ADAM20: variants seen among roughly 807,000 people sequenced by gnomAD.
ADAM20 encodes ADAM metallopeptidase domain 20.
For missense variants in ADAM20, 871 were observed against 883.2 expected, an observed-to-expected ratio of 0.99 and a Z score of 0.18; for synonymous variants, 305 against 310.2, an observed-to-expected ratio of 0.98 and a Z score of 0.18.
the ADAM20 span, among the ~76,000 whole-genome samples, chr14:70,570,837 G>C: frequency 1.3e-5 from 2 of 151,968 alleles, no homozygotes; most frequent in Non-Finnish European, 2.9e-5. Context: ...TATACTTTCT[G>C]AACATAGATG....
chr14:70,536,395 G>A (rs1883832212), upstream of ADAM20, among the ~76,000 whole-genome samples: 1 of 143,288 alleles, frequency 7.0e-6, no homozygotes, highest in Non-Finnish European at 1.5e-5. Context: ...GAATCCAGGA[G>A]GCAGAGGTTG....
chr14:70,576,668 A>G, the ADAM20 span, among the ~76,000 whole-genome samples: 6 of 152,186 alleles, frequency 3.9e-5, no homozygotes, highest in African/African-American at 1.4e-4. Flanking sequence ...GCATGGAGTA[A>G]TTCACAGAGA....
upstream of ADAM20, among the ~76,000 whole-genome samples, chr14:70,538,498 T>C (rs1883881563): frequency 6.6e-6 from 1 of 152,212 alleles, no homozygotes; most frequent in African/African-American, 2.4e-5. Context: ...CAAAAGGCCT[T>C]TATGTTTTTC....
intron 1 of ADAM20, among the ~76,000 whole-genome samples, chr14:70,531,260 A>G (rs1393136362): frequency 6.6e-6 from 1 of 152,196 alleles, no homozygotes; most frequent in African/African-American, 2.4e-5. Flanking sequence ...GATAAAAATT[A>G]CATGATCATC....
chr14:70,565,134 T>C, the ADAM20 span, among the ~76,000 whole-genome samples: 2 of 151,204 alleles, frequency 1.3e-5, no homozygotes, highest in Non-Finnish European at 2.9e-5. Flanking sequence ...TAACTGGATT[T>C]AAAAAATCGC....
Position 70,524,326 on chromosome 14 carries a change from T to A in ADAM20, c.432A>T (p.Glu144Asp), listed in dbSNP as rs1280007356. The change falls in exon 2 of 2, where the codon GAA becomes GAT. Residue 144 changes from glutamate to aspartate, a missense_variant. Glu to Asp is a conservative substitution (Grantham distance 45). Transcript: ENST00000256389. ...GMLQINDLVY[E>D]IKPISVSATF... ...TGGCAGAAACACTAATTGGCTTGAT[T>A]TCATAAACAAGGTCATTTATCTGTA... 2.5e-6 allele frequency: 4 copies of A among 1,614,046 alleles called. No individual in the cohort carries two copies. The South Asian group carries it at 4.4e-5, about 18-fold the overall frequency.
At chr14:70,555,154 C>T in the ADAM20 span, among the ~76,000 whole-genome samples, 1 of 152,112 alleles carries the variant, frequency 6.6e-6, no homozygotes, top group South Asian at 2.1e-4. Flanking sequence ...GTTTCAGTAA[C>T]GAAAGTGAAT....
intron 1 of ADAM20, among the ~76,000 whole-genome samples, chr14:70,531,891 G>A (rs1179229466): frequency 6.6e-6 from 1 of 152,000 alleles, no homozygotes; most frequent in African/African-American, 2.4e-5. Context: ...TCATAGACTA[G>A]AAGACTTAAT....
At chr14:70,570,119 C>T in the ADAM20 span, among the ~76,000 whole-genome samples, 2 of 150,806 alleles carry the variant, frequency 1.3e-5, no homozygotes, top group Admixed American at 1.3e-4. Context: ...GGACAATACA[C>T]CCACACCTCT....
chr14:70,542,527 GAGGA>G, the ADAM20 span, among the ~76,000 whole-genome samples: 1 of 152,192 alleles, frequency 6.6e-6, no homozygotes, highest in Non-Finnish European at 1.5e-5. Context: ...GGAACCTCAA[GAGGA>G]GATGAATTCA....
the ADAM20 span, among the ~76,000 whole-genome samples, chr14:70,569,723 G>C: frequency 3.3e-5 from 5 of 151,610 alleles, no homozygotes; most frequent in Admixed American, 2.0e-4. Flanking sequence ...ATTCAATCAA[G>C]AAGACTTAAC....
rs7154904 is a variant in ADAM20 at position 70,532,378 on chromosome 14, C to G, written c.-177+2419G>C. Among the ~76,000 whole-genome samples the G allele has an allele frequency of 1.1e-3, 160 of 151,592 alleles. No homozygotes were observed. The East Asian group carries it at 0.022, about 21-fold the overall frequency. On this transcript the variant is annotated intron_variant, in intron 1 of 1. Transcript: ENST00000256389. The stretch of plus-strand genomic sequence containing the variant: ...CTGAGACTATAAAACTTTAAAAAAA[C>G]ACACACGAGAAAATCTTCACAGCAT...
rs780204552 is a variant in ADAM20, at chr14:70,522,590, T to C, written c.2168A>G (p.Asp723Gly). 3.7e-6 allele frequency: 6 copies of C among 1,604,732 alleles called. No individual in the cohort carries two copies. In the Admixed American group the frequency reaches 6.9e-5, roughly 18 times the overall value. ...TTCCCATTTCTCTTATCCTTCTTCA[T>C]CTTCTTTACTTTTTGTGCGTTTCTT... Reference protein sequence around the residue: ...LFKKRTKSKEDEEG With the variant: ...LFKKRTKSKEGEEG The change falls in exon 2 of 2, where the codon GAT becomes GGT. Residue 723 changes from aspartate (D) to glycine (G), a missense_variant. Asp to Gly is a moderately conservative substitution (Grantham distance 94, BLOSUM62 -1). Coordinates refer to ENST00000256389, the MANE Select transcript of ADAM20 (RefSeq NM_003814.5).
At position 70,522,683 on chromosome 14, in the gene ADAM20, C is replaced by T. The variant is rs112530813; in HGVS notation, c.2075G>A (p.Arg692His). ...MEGLNVMGKLRYLSLLCLLPL... is the reference protein window; with the variant it reads ...MEGLNVMGKLHYLSLLCLLPL... ...AAGAAGGCACAATAGTGACAGGTAA[C>T]GCAACTTTCCCATCACATTTAATCC... Residue 692 changes from arginine to histidine, a missense_variant, in exon 2 of 2, where the codon CGT becomes CAT. Transcript: ENST00000256389. 54 of 1,613,960 alleles carry T rather than the reference C, an allele frequency of 3.3e-5. No individual in the cohort carries two copies. In the Middle Eastern group the frequency reaches 5.0e-4, roughly 15 times the overall value.
upstream of ADAM20, among the ~76,000 whole-genome samples, chr14:70,537,275 G>C (rs1201737048): frequency 6.6e-6 from 1 of 152,124 alleles, no homozygotes; most frequent in Non-Finnish European, 1.5e-5. Context: ...TCTCCAGTGA[G>C]CCCTCAAAAT....
At chr14:70,572,994 AT>A in the ADAM20 span, among the ~76,000 whole-genome samples, 2 of 152,194 alleles carry the variant, frequency 1.3e-5, no homozygotes, top group Non-Finnish European at 2.9e-5. Flanking sequence ...GAGAATGTGA[AT>A]TAGTTCAACC....
At chr14:70,555,123 G>A in the ADAM20 span, among the ~76,000 whole-genome samples, 17,993 of 152,068 alleles carry the variant, frequency 0.12, 2,009 homozygotes, top group African/African-American at 0.3. Context: ...CCTGGCCTTC[G>A]GACCCTATTT....
chr14:70,564,107 T>C, the ADAM20 span, among the ~76,000 whole-genome samples: 1 of 152,318 alleles, frequency 6.6e-6, no homozygotes, highest in East Asian at 1.9e-4. Context: ...ATTTCTGTCA[T>C]CTCACATTTG....
chr14:70,539,701 T>C (rs1029886053), upstream of ADAM20, among the ~76,000 whole-genome samples: 2 of 152,250 alleles, frequency 1.3e-5, no homozygotes, highest in Non-Finnish European at 2.9e-5. Flanking sequence ...AAATTACTGA[T>C]GCACACACTA....
Sources: gnomAD v4.1 joint callset for allele counts (sites outside exome capture counted in the v4.1 genomes callset) on GRCh38, gnomAD v4.1.1 for gene constraint, MANE v1.5 for transcripts, NCBI Gene and HGNC (gene_info 2026-07-23, HGNC 2026-07-21) for gene names.